Variants in TBL1X observed in about 807,000 individuals in gnomAD.
TBL1X encodes transducin beta like 1 X-linked.
A neutral mutation model predicts 50.7 loss-of-function variants in TBL1X; 10 were observed. The observed-to-expected ratio is 0.20, with a 90% CI of 0.12 to 0.33. The LOEUF is 0.33. Ranked by LOEUF, TBL1X falls within the 10% of genes least tolerant of loss-of-function variation. The pLI is 1.00. For missense variants in TBL1X, 340 were observed against 504.4 expected (o/e 0.67, Z 3.12); for synonymous variants, 190 against 214.7 (o/e 0.88, Z 1.01).
chrX:9,538,682 G>T (rs2082201013), intron 2 of TBL1X, among the ~76,000 whole-genome samples: 1 of 112,453 alleles, frequency 8.9e-6, no homozygotes, highest in Non-Finnish European at 1.9e-5. Flanking sequence ...TGAGGGGGAG[G>T]TTCCAGCTCT....
intron 2 of TBL1X, among the ~76,000 whole-genome samples, chrX:9,613,985 C>CAAAAAAA (rs34481376): frequency 1.6e-4 from 8 of 50,081 alleles, no homozygotes; most frequent in African/African-American, 2.2e-4. Flanking sequence ...GACTCCATCT[C>CAAAAAAA]AAAAAAAAAA....
At chrX:9,590,158 A>G (rs774734337) in intron 2 of TBL1X, among the ~76,000 whole-genome samples, 56 of 111,777 alleles carry the variant, frequency 5.0e-4, no homozygotes, top group African/African-American at 1.7e-3. Flanking sequence ...GGGAGAGAGA[A>G]AGGGCGGAAG....
chrX:9,607,885 C>G (rs755906920), intron 2 of TBL1X, among the ~76,000 whole-genome samples: 2 of 109,868 alleles, frequency 1.8e-5, no homozygotes, highest in East Asian at 5.7e-4. Context: ...GTGATCATAG[C>G]TCACTACAGC....
intron 5 of TBL1X, among the ~76,000 whole-genome samples, chrX:9,676,755 A>G (rs1052849195): frequency 1.8e-5 from 2 of 112,131 alleles, no homozygotes; most frequent in African/African-American, 6.5e-5. Context: ...GGTTTTTTTC[A>G]TATAAACACA....
intron 2 of TBL1X, among the ~76,000 whole-genome samples, chrX:9,521,696 C>T (rs1268752810): frequency 9.0e-6 from 1 of 111,667 alleles, no homozygotes; most frequent in Admixed American, 9.5e-5. Context: ...CTGTATTTTC[C>T]ATCTGAATTT....
At chrX:9,630,679 G>A (rs2082716498) in intron 2 of TBL1X, among the ~76,000 whole-genome samples, 1 of 111,443 alleles carries the variant, frequency 9.0e-6, no homozygotes, top group Non-Finnish European at 1.9e-5. Flanking sequence ...GGGCTCAGGT[G>A]ATCCTCCCAC....
intron 2 of TBL1X, among the ~76,000 whole-genome samples, chrX:9,573,704 G>A (rs2082396644): frequency 8.9e-6 from 1 of 112,699 alleles, no homozygotes; most frequent in Admixed American, 9.3e-5. Flanking sequence ...CTTTGGGGCC[G>A]CAGAGTGGAG....
chrX:9,557,150 A>G (rs747388769), intron 2 of TBL1X, among the ~76,000 whole-genome samples: 5 of 111,699 alleles, frequency 4.5e-5, no homozygotes, highest in Admixed American at 1.9e-4. Flanking sequence ...GCTGCCACCA[A>G]TGGCGCCTGG....
chrX:9,679,429 A>G (rs1403392867), intron 5 of TBL1X, among the ~76,000 whole-genome samples: 6 of 111,176 alleles, frequency 5.4e-5, no homozygotes, highest in African/African-American at 2.0e-4. Flanking sequence ...ATTCATCAGG[A>G]ATACGCCTCC....
intron 2 of TBL1X, among the ~76,000 whole-genome samples, chrX:9,578,281 G>A (rs759451579): frequency 2.7e-5 from 3 of 110,714 alleles, no homozygotes; most frequent in Non-Finnish European, 3.8e-5. Flanking sequence ...TGTCTCCCAC[G>A]CTGGAGTGCA....
At chrX:9,623,194 T>A (rs948780152) in intron 2 of TBL1X, among the ~76,000 whole-genome samples, 5 of 112,179 alleles carry the variant, frequency 4.5e-5, no homozygotes, top group African/African-American at 1.6e-4. Flanking sequence ...ACAGGCAACA[T>A]GCTAAGGATA....
chrX:9,663,142 A>G (rs1016320076), intron 5 of TBL1X, among the ~76,000 whole-genome samples: 1 of 111,511 alleles, frequency 9.0e-6, no homozygotes, highest in Non-Finnish European at 1.9e-5. Context: ...TATTAATATT[A>G]CTAATATTAC....
chrX:9,691,557 C>G (rs754555981), intron 7 of TBL1X, 22 bp from the exon 8 acceptor site: 9 of 1,205,907 alleles, frequency 7.5e-6, no homozygotes, highest in Non-Finnish European at 1.0e-5. Context: ...AGCCACTTGT[C>G]TCTTTGTGTT....
chrX:9,612,182 T>C (rs2082617084), intron 2 of TBL1X, among the ~76,000 whole-genome samples: 1 of 112,367 alleles, frequency 8.9e-6, no homozygotes, highest in Non-Finnish European at 1.9e-5. Flanking sequence ...TTAATCTGTT[T>C]CACACTGGTC....
intron 2 of TBL1X, among the ~76,000 whole-genome samples, chrX:9,512,332 C>G (rs1317313564): frequency 9.0e-6 from 1 of 111,351 alleles, no homozygotes. Flanking sequence ...GTGGTAGCAC[C>G]TACATTTGTG....
chrX:9,535,438 G>C (rs774474519), intron 2 of TBL1X, among the ~76,000 whole-genome samples: 1 of 112,120 alleles, frequency 8.9e-6, no homozygotes, highest in East Asian at 2.8e-4. Context: ...AACTGGAAAT[G>C]TGTCTGAATT....
At position 9,636,848 on chromosome X, in the gene TBL1X, G is replaced by C. The variant is rs1373501009; in HGVS notation, c.-130-3425G>C. 4 of 112,228 alleles carry C rather than the reference G, an allele frequency of 3.6e-5. No homozygotes were observed. The Admixed American group carries it at 3.8e-4, about 11-fold the overall frequency. The allele number at this position is 112,228 out of a possible 1,213,427, so 9.2% of individuals were successfully genotyped here. A position where few individuals can be genotyped will look rare whatever the true frequency, so the allele number is the denominator to read the frequency against. On this transcript the variant is annotated intron_variant, in intron 2 of 17. Coordinates refer to ENST00000645353, the MANE Select transcript of TBL1X (RefSeq NM_005647.4). ...AGCACGATTGAAAAGTGATGTACAGGATTTATAGTTGAATGGGAACAAACC... is the reference window on the plus strand; with the variant it reads ...AGCACGATTGAAAAGTGATGTACAGCATTTATAGTTGAATGGGAACAAACC...
chrX:9,553,993 ACCTCAGCCT>A (rs2082283143), intron 2 of TBL1X, among the ~76,000 whole-genome samples: 1 of 111,289 alleles, frequency 9.0e-6, no homozygotes, highest in Admixed American at 9.6e-5. Context: ...CGATCCTCCC[ACCTCAGCCT>A]CCTGAGTAGC....
chrX:9,651,488 T>C (rs1223603796), intron 3 of TBL1X, among the ~76,000 whole-genome samples: 16 of 112,290 alleles, frequency 1.4e-4, no homozygotes, highest in Non-Finnish European at 1.9e-5. Context: ...ACCTAAACTC[T>C]ATACATTTGC....
Sources: allele counts gnomAD v4.1 joint callset (sites outside exome capture counted in the v4.1 genomes callset), GRCh38; gene constraint gnomAD v4.1.1; transcripts MANE v1.5; gene names NCBI Gene and HGNC (gene_info 2026-07-23, HGNC 2026-07-21).